Variants in L3MBTL4 observed in about 807,000 individuals in gnomAD.
L3MBTL4 encodes the protein L3MBTL histone methyl-lysine binding protein 4, also known as lethal(3)malignant brain tumor-like protein 4.
Under a neutral mutation model 84.5 loss-of-function variants are expected in L3MBTL4, and 70 were observed. The observed-to-expected ratio is 0.83, with a 90% confidence interval of 0.68 to 1.01. The LOEUF (loss-of-function observed/expected upper bound fraction) is 1.01, where lower values mean the gene tolerates loss of function less well. L3MBTL4 is among the 50% of genes least tolerant of loss of function. L3MBTL4 has a pLI of 0.00. For missense variants in L3MBTL4, 715 were observed against 754.8 expected, an observed-to-expected ratio of 0.95 and a Z score of 0.62; for synonymous variants, 274 against 259.8, an observed-to-expected ratio of 1.05 and a Z score of -0.52.
intron 14 of L3MBTL4, among the ~76,000 whole-genome samples, chr18:6,111,719 A>C (rs1449076380): frequency 6.6e-6 from 1 of 152,200 alleles, no homozygotes; most frequent in African/African-American, 2.4e-5. Flanking sequence ...AAAATTATAT[A>C]GATGTATATA....
At chr18:6,084,431 G>T (rs2058188904) in intron 15 of L3MBTL4, among the ~76,000 whole-genome samples, 1 of 151,932 alleles carries the variant, frequency 6.6e-6, no homozygotes, top group African/African-American at 2.4e-5. Context: ...AAAAAAAAAT[G>T]GTCCATAAGT....
intron 13 of L3MBTL4, among the ~76,000 whole-genome samples, chr18:6,163,312 G>T (rs199706528): frequency 0.034 from 3,739 of 110,508 alleles, 78 homozygotes; most frequent in East Asian, 0.047. Flanking sequence ...TGTGTGGGTG[G>T]GTGTGTATTT....
Position 5,958,271 on chromosome 18 carries a change from T to C in L3MBTL4, c.1677+1823A>G, listed in dbSNP as rs1599561526. 2.0e-5 allele frequency among the ~76,000 whole-genome samples: 3 copies of C among 152,316 alleles called. No individual in the cohort carries two copies. In the South Asian group the frequency reaches 6.2e-4, roughly 32 times the overall value. On this transcript the variant is annotated intron_variant, in intron 18 of 18. Coordinates refer to ENST00000317931, the MANE Select transcript of L3MBTL4 (RefSeq NM_001330559.2). Reference sequence around the variant, plus strand: ...CAAGGGTAGCGTTTTGAAGTTATAATATTTAAAAAAGTTTTTAAAACCTTC... The same window carrying C: ...CAAGGGTAGCGTTTTGAAGTTATAACATTTAAAAAAGTTTTTAAAACCTTC...
At chr18:6,294,786 C>T (rs1001760284) in intron 4 of L3MBTL4, among the ~76,000 whole-genome samples, 3 of 152,170 alleles carry the variant, frequency 2.0e-5, no homozygotes, top group Non-Finnish European at 4.4e-5. Flanking sequence ...TACTATCCAC[C>T]AGGGACCTCT....
chr18:5,982,559 G>C (rs2053281810), intron 16 of L3MBTL4, among the ~76,000 whole-genome samples: 1 of 152,198 alleles, frequency 6.6e-6, no homozygotes. Flanking sequence ...GTTTCATAAA[G>C]ACTCCCAGAG....
At chr18:6,145,630 G>A (rs764717111) in intron 13 of L3MBTL4, among the ~76,000 whole-genome samples, 63 of 151,176 alleles carry the variant, frequency 4.2e-4, no homozygotes, top group Non-Finnish European at 8.7e-4. Context: ...AGCATTGGGT[G>A]ATAATATCCA....
rs369832633 is a variant in L3MBTL4 at position 6,301,813 on chromosome 18, A to G, written c.127+90T>C. On this transcript the variant is annotated intron_variant, in intron 4 of 18. Coordinates refer to ENST00000317931, the MANE Select transcript of L3MBTL4 (RefSeq NM_001330559.2). ...GATATTATTATCACATATTTTAATT[A>G]ATAAACCTAAAACAACTAAGCAATC... 4.1e-5 allele frequency: 38 copies of G among 934,066 alleles called. No homozygotes were observed. In the South Asian group the frequency reaches 4.7e-4, roughly 12 times the overall value. The allele number at this position is 934,066 out of a possible 1,614,324, so 57.9% of individuals were successfully genotyped here.
At chr18:6,151,360 A>G (rs1598918518) in intron 13 of L3MBTL4, among the ~76,000 whole-genome samples, 1 of 152,228 alleles carries the variant, frequency 6.6e-6, no homozygotes, top group East Asian at 1.9e-4. Flanking sequence ...ATGATACACA[A>G]TAAGCAACTG....
chr18:6,030,500 T>A, intron 16 of L3MBTL4: 16 of 909,912 alleles, frequency 1.8e-5, no homozygotes, highest in Non-Finnish European at 2.1e-5. Flanking sequence ...ATGAAGAGAC[T>A]CTTTTTTTTT....
At chr18:6,013,636 A>G (rs2054834256) in intron 16 of L3MBTL4, among the ~76,000 whole-genome samples, 1 of 152,208 alleles carries the variant, frequency 6.6e-6, no homozygotes, top group African/African-American at 2.4e-5. Flanking sequence ...CGTCCCTGCC[A>G]TCTGCTCTTG....
intron 14 of L3MBTL4, among the ~76,000 whole-genome samples, chr18:6,135,830 T>C (rs1338725194): frequency 6.6e-6 from 1 of 152,236 alleles, no homozygotes; most frequent in Non-Finnish European, 1.5e-5. Context: ...AGTTCCAAAG[T>C]TGTTTCCACA....
chr18:6,004,076 A>G (rs1395147349), intron 16 of L3MBTL4, among the ~76,000 whole-genome samples: 2 of 152,132 alleles, frequency 1.3e-5, no homozygotes, highest in Non-Finnish European at 2.9e-5. Flanking sequence ...AGAGAAAATT[A>G]ATGAAACCAA....
chr18:6,326,307 G>C (rs1279354971), intron 1 of L3MBTL4: 1 of 152,218 alleles, frequency 6.6e-6, no homozygotes, highest in African/African-American at 2.4e-5. Flanking sequence ...GACAAGATCA[G>C]ACAGAAACAA....
At chr18:6,222,101 G>C (rs1016734832) in intron 10 of L3MBTL4, among the ~76,000 whole-genome samples, 10 of 152,158 alleles carry the variant, frequency 6.6e-5, no homozygotes, top group African/African-American at 2.2e-4. Context: ...TGTTGAAAAT[G>C]ACCTCACATT....
chr18:6,152,636 A>G (rs923595486), intron 13 of L3MBTL4, among the ~76,000 whole-genome samples: 4 of 152,158 alleles, frequency 2.6e-5, no homozygotes, highest in Admixed American at 1.3e-4. Flanking sequence ...AATTCCTTAT[A>G]TACATGGAGA....
chr18:6,298,489 G>C lies in L3MBTL4; in HGVS notation c.127+3414C>G, dbSNP rs2050197011. On this transcript the variant is annotated intron_variant, in intron 4 of 18. Transcript: ENST00000317931. ...TTTCCCTTTTAATCTTGTTTATTAT[G>C]ATGTACTTTAATGTAGAGAGTTTAA... is the stretch of plus-strand genomic sequence containing the variant. Among the ~76,000 whole-genome samples the C allele has an allele frequency of 2.6e-5, 4 of 152,150 alleles. No homozygotes were observed. The South Asian group carries it at 8.3e-4, about 32-fold the overall frequency.
At chr18:6,179,202 C>A (rs777109747) in intron 12 of L3MBTL4, among the ~76,000 whole-genome samples, 1 of 152,044 alleles carries the variant, frequency 6.6e-6, no homozygotes, top group Non-Finnish European at 1.5e-5. Context: ...TTATTGGATA[C>A]GTTTGTTTTA....
intron 14 of L3MBTL4, among the ~76,000 whole-genome samples, chr18:6,133,458 C>G (rs73938761): frequency 6.6e-6 from 1 of 152,114 alleles, no homozygotes; most frequent in African/African-American, 2.4e-5. Context: ...CCAGCAGAGT[C>G]CTCGCTAATA....
chr18:6,214,294 C>T (rs2145810923), intron 11 of L3MBTL4, among the ~76,000 whole-genome samples: 1 of 152,112 alleles, frequency 6.6e-6, no homozygotes, highest in East Asian at 1.9e-4. Flanking sequence ...AACCAAGAGT[C>T]TATAACCACA....
Sources: allele counts gnomAD v4.1 joint callset (sites outside exome capture counted in the v4.1 genomes callset), GRCh38; gene constraint gnomAD v4.1.1; transcripts MANE v1.5; gene names NCBI Gene and HGNC (gene_info 2026-07-23, HGNC 2026-07-21).